TRIO: variants seen among roughly 807,000 people sequenced by gnomAD.
TRIO encodes the protein triple functional domain protein.
Under a neutral mutation model 351.9 loss-of-function variants are expected in TRIO, and 58 were observed. The ratio of observed to expected loss-of-function variants is 0.16; its 90% CI spans 0.13 to 0.21. The LOEUF is 0.21. TRIO is among the 10% of genes least tolerant of loss of function. The pLI, the probability that TRIO is intolerant of heterozygous loss-of-function variation, is 1.00. For missense variants in TRIO, 3,201 were observed against 4,027.8 expected, an observed-to-expected ratio of 0.79 and a Z score of 5.56; for synonymous variants, 1,758 against 1,595.7, an observed-to-expected ratio of 1.10 and a Z score of -2.42.
At position 14,503,727 on chromosome 5, in the gene TRIO, C is replaced by T. The variant is rs1307955388; in HGVS notation, c.8412-666C>T. The stretch of plus-strand genomic sequence containing the variant: ...CAAGGGGACGAATAGCCCCCGCCTC[C>T]GAGTGACAGAAGTAGCAAAACCGTG... On this transcript the variant is annotated intron_variant, in intron 54 of 56. Coordinates refer to ENST00000344204, the MANE Select transcript of TRIO (RefSeq NM_007118.4). 4.6e-5 allele frequency among the ~76,000 whole-genome samples: 7 copies of T among 152,216 alleles called. No individual in the cohort carries two copies. The East Asian group carries it at 7.7e-4, about 17-fold the overall frequency.
At chr5:14,473,773 G>T (rs1193946682) in intron 39 of TRIO, among the ~76,000 whole-genome samples, 1 of 152,184 alleles carries the variant, frequency 6.6e-6, no homozygotes, top group Non-Finnish European at 1.5e-5. Flanking sequence ...ATGCTGAACA[G>T]TCCAGGGAAA....
intron 34 of TRIO, among the ~76,000 whole-genome samples, chr5:14,448,198 A>G (rs560278406): frequency 6.6e-6 from 1 of 152,364 alleles, no homozygotes; most frequent in South Asian, 2.1e-4. Context: ...AAGAACAGCC[A>G]TTTGACTTTT....
At chr5:14,443,086 G>A (rs1335997569) in intron 34 of TRIO, among the ~76,000 whole-genome samples, 1 of 151,948 alleles carries the variant, frequency 6.6e-6, no homozygotes, top group Admixed American at 6.6e-5. Flanking sequence ...TATTAAATTC[G>A]CTTTTTAAAG....
intron 32 of TRIO, chr5:14,406,248 G>A (rs1748708375): frequency 5.2e-6 from 3 of 579,434 alleles, no homozygotes; most frequent in Non-Finnish European, 6.1e-6. Context: ...CACCATACAG[G>A]GCACATGTCT....
intron 34 of TRIO, among the ~76,000 whole-genome samples, chr5:14,454,033 G>A (rs373374261): frequency 2.0e-5 from 3 of 152,084 alleles, no homozygotes; most frequent in Non-Finnish European, 2.9e-5. Context: ...GGGTTCAAGC[G>A]ACTCTCCTGC....
chr5:14,195,197 C>G (rs1381767001), intron 1 of TRIO, among the ~76,000 whole-genome samples: 1 of 152,064 alleles, frequency 6.6e-6, no homozygotes, highest in Non-Finnish European at 1.5e-5. Context: ...TAATTGCAGC[C>G]CTCTTTAGTC....
intron 1 of TRIO, among the ~76,000 whole-genome samples, chr5:14,262,756 G>A (rs988970222): frequency 6.6e-6 from 1 of 152,020 alleles, no homozygotes; most frequent in African/African-American, 2.4e-5. Context: ...CCACGAGGTC[G>A]ATGGTTTATG....
intron 1 of TRIO, among the ~76,000 whole-genome samples, chr5:14,211,165 C>CT (rs1791866180): frequency 6.6e-6 from 1 of 152,196 alleles, no homozygotes. Flanking sequence ...ATAGTTAGAT[C>CT]AACGATTCAT....
intron 2 of TRIO, among the ~76,000 whole-genome samples, chr5:14,272,523 G>A (rs1796034245): frequency 6.6e-6 from 1 of 152,130 alleles, no homozygotes; most frequent in Non-Finnish European, 1.5e-5. Flanking sequence ...TTTAATCAAA[G>A]AAACAAAATC....
intron 34 of TRIO, chr5:14,441,444 A>C (rs1752035464): frequency 6.5e-6 from 1 of 154,196 alleles, no homozygotes; most frequent in African/African-American, 2.4e-5. Flanking sequence ...AGTGATTGAC[A>C]TGTGCTTTAA....
intron 34 of TRIO, among the ~76,000 whole-genome samples, chr5:14,460,173 C>T (rs1403804569): frequency 1.3e-5 from 2 of 152,200 alleles, no homozygotes; most frequent in Admixed American, 1.3e-4. Flanking sequence ...GCCTCGGCCT[C>T]CCAAAGTGCT....
intron 1 of TRIO, among the ~76,000 whole-genome samples, chr5:14,207,838 A>G (rs1319449279): frequency 6.6e-6 from 1 of 152,244 alleles, no homozygotes; most frequent in Non-Finnish European, 1.5e-5. Flanking sequence ...AATAAAAAGA[A>G]CAAAACCAAA....
intron 43 of TRIO, among the ~76,000 whole-genome samples, chr5:14,481,033 C>T (rs1028486728): frequency 4.0e-5 from 6 of 151,678 alleles, no homozygotes; most frequent in African/African-American, 1.5e-4. Flanking sequence ...TGTGAGTGGC[C>T]AAAAAGGTTA....
chr5:14,402,642 ATGG>A (rs1388000160), intron 31 of TRIO, among the ~76,000 whole-genome samples: 2 of 151,350 alleles, frequency 1.3e-5, no homozygotes, highest in Non-Finnish European at 2.9e-5. Flanking sequence ...GGTGGTATAG[ATGG>A]TGGTGAGAGG....
intron 9 of TRIO, among the ~76,000 whole-genome samples, chr5:14,323,306 A>G (rs775832659): frequency 6.6e-6 from 1 of 152,192 alleles, no homozygotes; most frequent in East Asian, 1.9e-4. Context: ...GAAAAGTCGA[A>G]TGGCTTGGCA....
At chr5:14,430,171 A>G (rs1750972486) in intron 34 of TRIO, among the ~76,000 whole-genome samples, 1 of 151,184 alleles carries the variant, frequency 6.6e-6, no homozygotes, top group South Asian at 2.1e-4. Flanking sequence ...CTTTGCGTGT[A>G]ATGATATTTG....
At chr5:14,196,042 A>G (rs569280392) in intron 1 of TRIO, among the ~76,000 whole-genome samples, 17 of 152,286 alleles carry the variant, frequency 1.1e-4, no homozygotes, top group Non-Finnish European at 1.6e-4. Context: ...TGGTTATTCT[A>G]ATTTGTTTTT....
At chr5:14,332,396 A>G (rs1248017640) in intron 10 of TRIO, among the ~76,000 whole-genome samples, 1 of 152,208 alleles carries the variant, frequency 6.6e-6, no homozygotes, top group African/African-American at 2.4e-5. Flanking sequence ...TAACTCATTC[A>G]TCTTTTGCAA....
chr5:14,207,262 T>TACACATACACAC (rs1791515046), intron 1 of TRIO, among the ~76,000 whole-genome samples: 1 of 46,068 alleles, frequency 2.2e-5, no homozygotes, highest in Non-Finnish European at 4.1e-5. Flanking sequence ...AGATGGTCTC[T>TACACATACACAC]ACACACACAC....
Sources: gnomAD v4.1 joint callset for allele counts (sites outside exome capture counted in the v4.1 genomes callset) on GRCh38, gnomAD v4.1.1 for gene constraint, MANE v1.5 for transcripts, NCBI Gene and HGNC (gene_info 2026-07-23, HGNC 2026-07-21) for gene names.